The following MYO1E variants were observed in gnomAD, a reference collection of about 807,000 sequenced individuals.
The protein encoded by MYO1E is unconventional myosin-Ie.
Under a neutral mutation model 151.1 loss-of-function variants are expected in MYO1E, and 68 were observed. The ratio of observed to expected loss-of-function variants is 0.45; its 90% CI spans 0.37 to 0.55. The LOEUF (loss-of-function observed/expected upper bound fraction) is 0.55. Ranked by LOEUF, MYO1E falls within the 20% of genes least tolerant of loss-of-function variation. The probability of loss-of-function intolerance (pLI) is 0.00; values close to 1 mark genes in which losing one functional copy is unlikely to be tolerated. For synonymous variants in MYO1E, 601 were observed against 501.7 expected, an observed-to-expected ratio of 1.20 and a Z score of -2.64; for missense variants, 1,363 against 1,389.3, an observed-to-expected ratio of 0.98 and a Z score of 0.30.
chr15:59,349,865 G>A (rs1342918238), intron 1 of MYO1E, among the ~76,000 whole-genome samples: 1 of 152,146 alleles, frequency 6.6e-6, no homozygotes, highest in African/African-American at 2.4e-5. Flanking sequence ...TTAAAAGACT[G>A]GAGAGAAATG....
At chr15:59,225,070 C>A (rs1411985968) in intron 7 of MYO1E, among the ~76,000 whole-genome samples, 4 of 152,244 alleles carry the variant, frequency 2.6e-5, no homozygotes, top group Non-Finnish European at 5.9e-5. Flanking sequence ...ACTGGACTGC[C>A]ACCCTCGGAA....
intron 1 of MYO1E, among the ~76,000 whole-genome samples, chr15:59,357,512 C>A (rs530869158): frequency 6.6e-6 from 1 of 151,740 alleles, no homozygotes; most frequent in African/African-American, 2.4e-5. Context: ...GCAACCTCCG[C>A]CTCCCGGGTT....
intron 16 of MYO1E, among the ~76,000 whole-genome samples, chr15:59,199,682 A>C (rs2079789017): frequency 3.9e-5 from 6 of 152,342 alleles, no homozygotes; most frequent in Middle Eastern, 6.8e-3. Context: ...AAATCAGTTT[A>C]AATTTTTAAA....
intron 21 of MYO1E, among the ~76,000 whole-genome samples, chr15:59,172,451 A>G (rs750817138): frequency 4.6e-5 from 7 of 152,194 alleles, no homozygotes; most frequent in Non-Finnish European, 7.3e-5. Flanking sequence ...TGGACAGTCA[A>G]TCTTCACTAC....
At position 59,136,539 on chromosome 15, in the gene MYO1E, C is replaced by T; in HGVS notation, c.*841G>A. The T allele has an allele frequency of 3.1e-6, 1 of 321,664 alleles. No individual in the cohort carries two copies. The highest frequency in any genetic ancestry group is 3.8e-5 in the Admixed American group (1 of 26,508). 19.9% of individuals were successfully genotyped at this position (321,664 alleles called of 1,614,324 possible). ...CCTGGTGTGAGTTTTGTAAGAAAAC[C>T]TACCTTATGAATGAGTACAGTGGAA... On this transcript the variant is annotated 3_prime_UTR_variant, in exon 28 of 28. Transcript: ENST00000288235.
intron 2 of MYO1E, among the ~76,000 whole-genome samples, chr15:59,268,171 T>C (rs187381171): frequency 7.9e-5 from 12 of 152,324 alleles, no homozygotes; most frequent in Admixed American, 5.9e-4. Context: ...TCCCTTAACA[T>C]TGAAGTGTTA....
Position 59,361,687 on chromosome 15 carries a change from T to C in MYO1E, c.3+10811A>G, listed in dbSNP as rs191613510. ...ATGTACAACTGCCTAGAATTAATAATATCTCATCATATTTGCTTTGGATTT... is the reference window on the plus strand; with the variant it reads ...ATGTACAACTGCCTAGAATTAATAACATCTCATCATATTTGCTTTGGATTT... On this transcript the variant is annotated intron_variant, in intron 1 of 27. Transcript: ENST00000288235. 2.0e-5 allele frequency among the ~76,000 whole-genome samples: 3 copies of C among 152,304 alleles called. No homozygotes were observed. In the East Asian group the frequency reaches 5.8e-4, roughly 29 times the overall value.
intron 17 of MYO1E, among the ~76,000 whole-genome samples, chr15:59,193,461 G>T (rs2079746614): frequency 6.6e-6 from 1 of 152,146 alleles, no homozygotes; most frequent in Non-Finnish European, 1.5e-5. Flanking sequence ...TAGTCTGAAA[G>T]GAGAAGCGGA....
At chr15:59,277,935 GAAA>G (rs2080330760) in intron 1 of MYO1E, among the ~76,000 whole-genome samples, 1 of 152,206 alleles carries the variant, frequency 6.6e-6, no homozygotes, top group Non-Finnish European at 1.5e-5. Flanking sequence ...AGTTTTAGGA[GAAA>G]TGTAACCTTT....
intron 1 of MYO1E, among the ~76,000 whole-genome samples, chr15:59,282,646 G>A (rs1424797139): frequency 6.6e-6 from 1 of 150,912 alleles, no homozygotes; most frequent in Non-Finnish European, 1.5e-5. Context: ...GGGAGTTAGA[G>A]GCCAGCCTGG....
At chr15:59,240,859 A>G (rs1364444125) in intron 4 of MYO1E, among the ~76,000 whole-genome samples, 2 of 152,262 alleles carry the variant, frequency 1.3e-5, no homozygotes, top group African/African-American at 4.8e-5. Context: ...CATGCAACAC[A>G]CACTGTCTAA....
At chr15:59,230,681 G>C (rs2080022746) in intron 6 of MYO1E, among the ~76,000 whole-genome samples, 2 of 152,148 alleles carry the variant, frequency 1.3e-5, no homozygotes, top group African/African-American at 4.8e-5. Context: ...GAAAGTAAGG[G>C]CAAGTCTAAC....
chr15:59,360,393 T>C (rs78310758), intron 1 of MYO1E, among the ~76,000 whole-genome samples: 158 of 152,256 alleles, frequency 1.0e-3, no homozygotes, highest in African/African-American at 3.6e-3. Flanking sequence ...GTGTGGAATG[T>C]CTTTCTTCAC....
chr15:59,221,134 A>G (rs1482123628), intron 9 of MYO1E, among the ~76,000 whole-genome samples: 1 of 150,808 alleles, frequency 6.6e-6, no homozygotes, highest in African/African-American at 2.4e-5. Flanking sequence ...CAGCCTCCAG[A>G]GTAGCTGGAA....
chr15:59,153,674 C>T lies in MYO1E; in HGVS notation c.2996G>A (p.Arg999Gln), dbSNP rs752888916. The T allele has an allele frequency of 1.2e-5, 20 of 1,614,108 alleles. No homozygotes were observed. Among genetic ancestry groups the T allele is most frequent in the East Asian group, 2.2e-5 (1 of 44,882 alleles). ...YTSMARPPLP[R>Q]QQSTSSDRVS... Reference sequence around the variant, plus strand: ...TCGGTCTGAACTGGTAGACTGCTGCCGAGGCAAGGGCGGGCGGGCCATGGA... The same window carrying T: ...TCGGTCTGAACTGGTAGACTGCTGCTGAGGCAAGGGCGGGCGGGCCATGGA... The change falls in exon 26 of 28, where the codon CGG becomes CAG. Residue 999 changes from arginine to glutamine, a missense_variant. Arg to Gln is a conservative substitution (Grantham distance 43). Coordinates refer to ENST00000288235, the MANE Select transcript of MYO1E (RefSeq NM_004998.4).
chr15:59,308,470 G>C (rs189620274), intron 1 of MYO1E, among the ~76,000 whole-genome samples: 2 of 151,818 alleles, frequency 1.3e-5, no homozygotes, highest in Non-Finnish European at 2.9e-5. Flanking sequence ...TCAGCAGTTC[G>C]AAACCAGCCT....
intron 2 of MYO1E, among the ~76,000 whole-genome samples, chr15:59,270,318 G>A (rs1322453351): frequency 2.0e-5 from 3 of 151,998 alleles, no homozygotes; most frequent in East Asian, 1.9e-4. Flanking sequence ...TTGGAAGGCC[G>A]AGGCAGGTGG....
At position 59,173,735 on chromosome 15, in the gene MYO1E, T is replaced by G. The variant is rs374518374; in HGVS notation, c.2334+11A>C. The G allele has an allele frequency of 5.2e-4, 834 of 1,614,036 alleles. 9 individuals carry two copies. In the South Asian group the frequency reaches 8.7e-3, roughly 17 times the overall value. Reference sequence around the variant, plus strand: ...GTTTGGTGATCTCAGAGGCAGGCAGTTAGCACGTACCTTGAACCTCCTGTC... The same window carrying G: ...GTTTGGTGATCTCAGAGGCAGGCAGGTAGCACGTACCTTGAACCTCCTGTC... On this transcript the variant is annotated intron_variant, in intron 21 of 27. Coordinates refer to ENST00000288235, the MANE Select transcript of MYO1E (RefSeq NM_004998.4).
chr15:59,323,897 G>A (rs1159619994), intron 1 of MYO1E, among the ~76,000 whole-genome samples: 4 of 151,800 alleles, frequency 2.6e-5, no homozygotes, highest in African/African-American at 2.4e-5. Flanking sequence ...CGGGATGTGT[G>A]TTCTGAGTTT....
Sources: allele counts gnomAD v4.1 joint callset (sites outside exome capture counted in the v4.1 genomes callset), GRCh38; gene constraint gnomAD v4.1.1; transcripts MANE v1.5; gene names NCBI Gene and HGNC (gene_info 2026-07-23, HGNC 2026-07-21).